Variants in EPB41 observed in about 807,000 individuals in gnomAD.
The protein encoded by EPB41 is protein 4.1.
In EPB41, 65 loss-of-function variants were observed where a neutral mutation model predicts 108.0. That is an observed-to-expected ratio of 0.60 (90% CI 0.49 to 0.74). The LOEUF (loss-of-function observed/expected upper bound fraction) is 0.74, where lower values mean the gene tolerates loss of function less well. Ranked by LOEUF, EPB41 falls within the 30% of genes least tolerant of loss-of-function variation. The pLI is 0.00. For synonymous variants in EPB41, 336 were observed against 358.9 expected, an observed-to-expected ratio of 0.94 and a Z score of 0.72; for missense variants, 875 against 1,037.0, an observed-to-expected ratio of 0.84 and a Z score of 2.15.
chr1:28,918,780 G>A (rs1413922050), intron 1 of EPB41, among the ~76,000 whole-genome samples: 1 of 152,196 alleles, frequency 6.6e-6, no homozygotes, highest in African/African-American at 2.4e-5. Context: ...AAAAGTAATT[G>A]CTTGATTGCA....
intron 16 of EPB41, among the ~76,000 whole-genome samples, chr1:29,094,023 CT>C (rs1662291463): frequency 6.6e-6 from 1 of 152,006 alleles, no homozygotes; most frequent in African/African-American, 2.4e-5. Context: ...CTTGAGTTGA[CT>C]TTTGTATATG....
intron 1 of EPB41, among the ~76,000 whole-genome samples, chr1:28,957,053 A>G (rs916991483): frequency 2.6e-5 from 4 of 152,254 alleles, no homozygotes; most frequent in Non-Finnish European, 5.9e-5. Context: ...TGAAGAGTGA[A>G]TAGGATTGTG....
At chr1:29,019,527 AC>A (rs2096616922) in intron 7 of EPB41, among the ~76,000 whole-genome samples, 2 of 152,304 alleles carry the variant, frequency 1.3e-5, no homozygotes, top group Admixed American at 1.3e-4. Context: ...AGTTCTGTAA[AC>A]TGCCTTAGCA....
chr1:28,984,511 G>T (rs2095829171), intron 1 of EPB41, among the ~76,000 whole-genome samples: 1 of 152,142 alleles, frequency 6.6e-6, no homozygotes, highest in Admixed American at 6.5e-5. Context: ...TCAGTCCTGT[G>T]CTAGGTGCCT....
chr1:28,914,313 G>C (rs560295942), upstream of EPB41, among the ~76,000 whole-genome samples: 13 of 152,320 alleles, frequency 8.5e-5, no homozygotes, highest in African/African-American at 2.6e-4. Context: ...CGACTTGCGC[G>C]TGCGCACACG....
At chr1:28,914,332 C>T (rs910113696), upstream of EPB41, among the ~76,000 whole-genome samples, 1 of 152,344 alleles carries the variant, frequency 6.6e-6, no homozygotes, top group East Asian at 1.9e-4. Context: ...CGCGGCCAGC[C>T]CCTTGCCTTT....
At chr1:28,958,321 C>T (rs142076529) in intron 1 of EPB41, among the ~76,000 whole-genome samples, 1 of 152,104 alleles carries the variant, frequency 6.6e-6, no homozygotes, top group East Asian at 1.9e-4. Flanking sequence ...TGGTGGCATG[C>T]ACCTGTAACC....
At chr1:29,045,044 C>A (rs1026236415) in intron 11 of EPB41, among the ~76,000 whole-genome samples, 1 of 152,104 alleles carries the variant, frequency 6.6e-6, no homozygotes, top group Non-Finnish European at 1.5e-5. Flanking sequence ...TGTTTAAATT[C>A]TCTAACAATA....
At position 29,115,613 on chromosome 1, in the gene EPB41, C is replaced by A; in HGVS notation, c.2497-86C>A. ...CTGCAGACAGGAGTATTGGATCTGT[C>A]AGAACATCAGAGAAATGATGACCAC... On this transcript the variant is annotated intron_variant, in intron 19 of 20. Coordinates refer to ENST00000343067, the MANE Select transcript of EPB41 (RefSeq NM_001376013.1). This position sits in a 1 kb window ranked among gnomAD's most constrained non-coding sequence, Gnocchi z 4.4. 1 of 1,160,020 alleles carries A rather than the reference C, an allele frequency of 8.6e-7. No homozygotes were observed. The highest frequency in any genetic ancestry group is 1.3e-6 in the Non-Finnish European group (1 of 783,090). The allele number at this position is 1,160,020 out of a possible 1,614,324, so 71.9% of individuals were successfully genotyped here.
intron 1 of EPB41, among the ~76,000 whole-genome samples, chr1:28,944,631 G>A (rs903667834): frequency 6.7e-6 from 1 of 149,560 alleles, no homozygotes; most frequent in Admixed American, 6.8e-5. Flanking sequence ...CCGCCTCCTG[G>A]GTTCAAGTGA....
At chr1:29,056,071 A>G (rs1645357932) in intron 12 of EPB41, among the ~76,000 whole-genome samples, 2 of 151,940 alleles carry the variant, frequency 1.3e-5, no homozygotes, top group Non-Finnish European at 2.9e-5. Context: ...CCCGTCTACT[A>G]AAAATACAAA....
rs1422216252 is a variant in EPB41 at position 29,018,014 on chromosome 1, A to C, written c.906-210A>C. ...TTTAATATGTAAAAATTTCAAACAC[A>C]CAGAGAGAAATAATAGCGCAATGAA... On this transcript the variant is annotated intron_variant, in intron 6 of 20. Coordinates refer to ENST00000343067, the MANE Select transcript of EPB41 (RefSeq NM_001376013.1). The surrounding 1 kb of genome is among the most constrained non-coding windows in gnomAD (Gnocchi z 4.4). Among the ~76,000 whole-genome samples the C allele has an allele frequency of 2.0e-5, 3 of 151,614 alleles. No homozygotes were observed. In the South Asian group the frequency reaches 6.2e-4, roughly 31 times the overall value.
At position 29,118,553 on chromosome 1, in the gene EPB41, A is replaced by G. The variant is rs1471034285; in HGVS notation, c.*1741A>G. 6.6e-6 allele frequency: 1 copy of G among 152,264 alleles called. No individual in the cohort carries two copies. Among genetic ancestry groups the G allele is most frequent in the Non-Finnish European group, 1.5e-5 (1 of 68,074 alleles). 9.4% of individuals were successfully genotyped at this position (152,264 alleles called of 1,614,324 possible). ...GCAGCAGTCACTGGGGCTCAAGGGC[A>G]GTGAGCAAGAGAAATGTCTAAAGCT... On this transcript the variant is annotated 3_prime_UTR_variant, in exon 21 of 21. Transcript: ENST00000343067.
At chr1:29,045,893 T>A (rs1224649001) in intron 11 of EPB41, among the ~76,000 whole-genome samples, 15 of 150,556 alleles carry the variant, frequency 1.0e-4, no homozygotes, top group South Asian at 4.2e-4. Flanking sequence ...GGAGGATCAC[T>A]TCAGCCTAGG....
At chr1:29,023,874 G>A (rs1400628423) in intron 7 of EPB41, among the ~76,000 whole-genome samples, 2 of 151,834 alleles carry the variant, frequency 1.3e-5, no homozygotes, top group Non-Finnish European at 2.9e-5. Context: ...TCCATTCCTT[G>A]TTAACTGTGT....
intron 16 of EPB41, among the ~76,000 whole-genome samples, chr1:29,066,465 A>G (rs1647878840): frequency 6.6e-6 from 1 of 152,212 alleles, no homozygotes; most frequent in African/African-American, 2.4e-5. Context: ...AAATGAATCT[A>G]TTAAACATTT....
intron 16 of EPB41, among the ~76,000 whole-genome samples, chr1:29,084,273 C>T (rs190026081): frequency 2.6e-5 from 4 of 152,244 alleles, no homozygotes; most frequent in Admixed American, 1.3e-4. Flanking sequence ...TTTTCCCAGA[C>T]GTATAGAAAC....
At chr1:29,032,460 G>A (rs905340075) in intron 8 of EPB41, among the ~76,000 whole-genome samples, 14 of 152,128 alleles carry the variant, frequency 9.2e-5, no homozygotes, top group African/African-American at 3.4e-4. Flanking sequence ...GTTATAACAC[G>A]TGTAGGCACT....
At chr1:28,968,710 T>C (rs113928695) in intron 1 of EPB41, among the ~76,000 whole-genome samples, 64 of 152,158 alleles carry the variant, frequency 4.2e-4, no homozygotes, top group African/African-American at 1.5e-3. Flanking sequence ...ACACCTATAA[T>C]CCCAGCGCTT....
Sources: allele counts gnomAD v4.1 joint callset (sites outside exome capture counted in the v4.1 genomes callset), GRCh38; gene constraint gnomAD v4.1.1; non-coding constraint Gnocchi (gnomAD v3.1); transcripts MANE v1.5; gene names NCBI Gene and HGNC (gene_info 2026-07-23, HGNC 2026-07-21).